Variants in SASH1 observed in about 807,000 individuals in gnomAD.
The protein encoded by SASH1 is SAM and SH3 domain containing 1, also known as SAM and SH3 domain-containing protein 1.
SASH1 carries 44 observed loss-of-function variants against 125.2 expected under a neutral mutation model. That is an observed-to-expected ratio of 0.35 (90% CI 0.28 to 0.45). The LOEUF is 0.45. Among genes scored for constraint, SASH1 ranks in the 20% least tolerant of loss-of-function variants. SASH1 has a pLI of 1.00. For missense variants in SASH1, 1,426 were observed against 1,614.5 expected, an observed-to-expected ratio of 0.88 and a Z score of 2.00; for synonymous variants, 639 against 649.1, an observed-to-expected ratio of 0.98 and a Z score of 0.24.
At chr6:148,512,594 C>G in intron 8 of SASH1, 1 of 984,792 alleles carries the variant, frequency 1.0e-6, no homozygotes, top group Non-Finnish European at 1.2e-6. Context: ...CCAGACAAAA[C>G]CATTTTGTAT....
the SASH1 span, among the ~76,000 whole-genome samples, chr6:148,205,948 T>C: frequency 1.3e-5 from 2 of 152,194 alleles, no homozygotes; most frequent in Non-Finnish European, 2.9e-5. Context: ...CCTCAGAGGT[T>C]CCTTCCCGGT....
chr6:148,491,423 C>T (rs539148597), intron 8 of SASH1, among the ~76,000 whole-genome samples: 27 of 152,248 alleles, frequency 1.8e-4, no homozygotes, highest in Middle Eastern at 3.4e-3. Context: ...GCATGCGCCA[C>T]GACGCCAAGC....
At chr6:148,219,129 G>A in the SASH1 span, among the ~76,000 whole-genome samples, 1 of 152,094 alleles carries the variant, frequency 6.6e-6, no homozygotes, top group Non-Finnish European at 1.5e-5. Context: ...AGAAACAGAA[G>A]AGCCTTCCTA....
At position 148,337,417 on chromosome 6, in the gene SASH1, G is replaced by C. The variant is rs370363248; in HGVS notation, n.75-52717G>C. 7.3e-4 allele frequency among the ~76,000 whole-genome samples: 111 copies of C among 152,124 alleles called. 1 individual carries two copies. Among genetic ancestry groups the C allele is most frequent in the African/African-American group, 2.6e-3 (106 of 41,492 alleles). Reference sequence around the variant, plus strand: ...TTTTTTGTATTTTTAGTAGAGATGGGGTTTCACCACGTTAGCCAGGATGGT... The same window carrying C: ...TTTTTTGTATTTTTAGTAGAGATGGCGTTTCACCACGTTAGCCAGGATGGT... On this transcript the variant is annotated intron_variant and non_coding_transcript_variant, in intron 1 of 3. Coordinates refer to the SASH1 transcript ENST00000367469.
intron 1 of SASH1, among the ~76,000 whole-genome samples, chr6:148,387,123 T>C (rs1314454368): frequency 4.7e-5 from 7 of 149,308 alleles, no homozygotes; most frequent in South Asian, 2.1e-4. Context: ...TTTTCTTTTT[T>C]TTTTTTTTTT....
the SASH1 span, among the ~76,000 whole-genome samples, chr6:148,198,546 G>A: frequency 6.6e-6 from 1 of 152,160 alleles, no homozygotes; most frequent in African/African-American, 2.4e-5. Context: ...GCTACATACA[G>A]GAAAAAGAGG....
chr6:148,467,088 CTTTTTTTTTTTTT>C (rs71004298), intron 4 of SASH1, among the ~76,000 whole-genome samples: 11,892 of 71,198 alleles, frequency 0.17, 875 homozygotes, highest in Middle Eastern at 0.27. Context: ...TTCCCTGTTC[CTTTTTTTTTTTTT>C]TTTTTTTTTT....
At chr6:148,363,699 C>T (rs977909477) in intron 1 of SASH1, among the ~76,000 whole-genome samples, 3 of 151,748 alleles carry the variant, frequency 2.0e-5, no homozygotes, top group Admixed American at 1.3e-4. Flanking sequence ...CACGCCCGGC[C>T]GATTGAGGCT....
intron 10 of SASH1, among the ~76,000 whole-genome samples, chr6:148,520,825 C>T (rs80147757): frequency 0.08 from 12,113 of 152,134 alleles, 532 homozygotes; most frequent in African/African-American, 0.11. Flanking sequence ...GAAAAACTGC[C>T]GTCATCACAG....
At chr6:148,434,464 C>T (rs936271024) in intron 2 of SASH1, among the ~76,000 whole-genome samples, 1 of 152,142 alleles carries the variant, frequency 6.6e-6, no homozygotes, top group African/African-American at 2.4e-5. Flanking sequence ...GAGATATACT[C>T]TCAGCGTTTT....
At chr6:148,226,257 T>C in the SASH1 span, among the ~76,000 whole-genome samples, 1 of 152,258 alleles carries the variant, frequency 6.6e-6, no homozygotes, top group African/African-American at 2.4e-5. Context: ...GCATTCATTT[T>C]ATTTTAGCAT....
At chr6:148,331,016 G>A (rs1780981972) in intron 1 of SASH1, among the ~76,000 whole-genome samples, 1 of 151,946 alleles carries the variant, frequency 6.6e-6, no homozygotes, top group African/African-American at 2.4e-5. Flanking sequence ...TAATCTTACG[G>A]TTCTCTGTAG....
intron 1 of SASH1, among the ~76,000 whole-genome samples, chr6:148,292,272 T>A (rs1467509248): frequency 6.6e-6 from 1 of 152,186 alleles, no homozygotes; most frequent in Non-Finnish European, 1.5e-5. Context: ...TTCATTTTTT[T>A]TAAGCATTTA....
At chr6:148,541,283 C>G (rs886512497) in intron 17 of SASH1, among the ~76,000 whole-genome samples, 3 of 151,116 alleles carry the variant, frequency 2.0e-5, no homozygotes, top group African/African-American at 7.3e-5. Flanking sequence ...GGAATCCTAT[C>G]TAGTAGCCCA....
chr6:148,320,574 G>C (rs1422393943), intron 1 of SASH1, among the ~76,000 whole-genome samples: 2 of 152,214 alleles, frequency 1.3e-5, no homozygotes, highest in East Asian at 1.9e-4. Context: ...AGAACCAAAA[G>C]ACAAAGGGTG....
chr6:148,363,964 T>A lies in SASH1; in HGVS notation c.156+20741T>A, dbSNP rs111302908. Among the ~76,000 whole-genome samples the A allele has an allele frequency of 8.3e-3, 1,261 of 152,332 alleles. 10 individuals carry two copies. Among genetic ancestry groups the A allele is most frequent in the Non-Finnish European group, 0.014 (957 of 68,032 alleles). On this transcript the variant is annotated intron_variant, in intron 1 of 19. Transcript: ENST00000367467. ...ATGGGACATACATTCTAAAAAGTTC[T>A]GATCCCTGAATAAATTAATATTAAT...
At chr6:148,443,287 T>C (rs1691648829) in intron 4 of SASH1, among the ~76,000 whole-genome samples, 1 of 151,486 alleles carries the variant, frequency 6.6e-6, no homozygotes, top group African/African-American at 2.4e-5. Flanking sequence ...GTTTATTTGT[T>C]TTTGTGTTTT....
At chr6:148,219,677 G>A in the SASH1 span, among the ~76,000 whole-genome samples, 4 of 152,116 alleles carry the variant, frequency 2.6e-5, no homozygotes, top group Admixed American at 1.3e-4. Flanking sequence ...CTAAGGGAAC[G>A]TACCCACTGA....
rs1300127309 is a variant in SASH1, at chr6:148,402,410, A to G, written c.285+12148A>G. 2.0e-5 allele frequency among the ~76,000 whole-genome samples: 3 copies of G among 152,034 alleles called. No homozygotes were observed. The East Asian group carries it at 5.8e-4, about 29-fold the overall frequency. ...ACTGCAACCTCTGCCTCCCGGGTTA[A>G]GTGATTCTCCTGCCTCAGCCTCCCA... is the stretch of plus-strand genomic sequence containing the variant. On this transcript the variant is annotated intron_variant, in intron 2 of 19. Transcript: ENST00000367467.
Sources: gnomAD v4.1 joint callset for allele counts (sites outside exome capture counted in the v4.1 genomes callset) on GRCh38, gnomAD v4.1.1 for gene constraint, MANE v1.5 for transcripts, NCBI Gene and HGNC (gene_info 2026-07-23, HGNC 2026-07-21) for gene names.